Variants in XRCC6 observed in about 807,000 individuals in gnomAD.
XRCC6 encodes the protein X-ray repair cross complementing 6, also known as DNA repair protein Ku70.
XRCC6 carries 5 observed loss-of-function variants against 65.7 expected under a neutral mutation model. The observed-to-expected ratio is 0.08, with a 90% CI of 0.04 to 0.16. The LOEUF is 0.16. Ranked by LOEUF, XRCC6 falls within the 10% of genes least tolerant of loss-of-function variation. The pLI is 1.00. For synonymous variants in XRCC6, 270 were observed against 270.6 expected (o/e 1.00, Z 0.02); for missense variants, 447 against 738.1 (o/e 0.61, Z 4.57).
intron 3 of XRCC6, among the ~76,000 whole-genome samples, chr22:41,631,288 G>A (rs1310136971): frequency 6.6e-6 from 1 of 151,470 alleles, no homozygotes; most frequent in East Asian, 2.0e-4. Context: ...CCTCCCTCCC[G>A]GACGGGTCGG....
intron 12 of XRCC6, 50 bp from the exon 13 acceptor site, chr22:41,663,572 C>G: frequency 6.4e-7 from 1 of 1,563,660 alleles, no homozygotes; most frequent in Non-Finnish European, 8.7e-7. Context: ...AGCTGGGATG[C>G]CACTTGTATG....
intron 9 of XRCC6, 116 bp downstream of exon 9, chr22:41,653,806 G>T (rs2068022146): frequency 2.0e-5 from 26 of 1,310,766 alleles, no homozygotes; most frequent in Non-Finnish European, 2.6e-5. Context: ...GCTTAAAAAT[G>T]TCTATTTTTA....
intron 9 of XRCC6, among the ~76,000 whole-genome samples, chr22:41,656,125 G>T (rs543796745): frequency 2.0e-4 from 30 of 149,734 alleles, no homozygotes; most frequent in Non-Finnish European, 3.8e-4. Flanking sequence ...CCAGCTACTT[G>T]ATAGGCTACT....
chr22:41,650,909 T>C lies in XRCC6; in HGVS notation c.1129+18T>C, dbSNP rs750011301. ...GGTGATTGGTAAGTAGCGTGGACCATGGATGAGTGACTCTAACACACAGTG... is the reference window on the plus strand; with the variant it reads ...GGTGATTGGTAAGTAGCGTGGACCACGGATGAGTGACTCTAACACACAGTG... On this transcript the variant is annotated intron_variant, in intron 8 of 12. Transcript: ENST00000360079. 5.9e-5 allele frequency: 96 copies of C among 1,613,658 alleles called. No individual in the cohort carries two copies. The highest frequency in any genetic ancestry group is 8.0e-5 in the Non-Finnish European group (94 of 1,179,764).
chr22:41,640,950 G>T (rs2067868987), intron 6 of XRCC6, among the ~76,000 whole-genome samples: 1 of 152,050 alleles, frequency 6.6e-6, no homozygotes, highest in Non-Finnish European at 1.5e-5. Context: ...AGCAAAAAAT[G>T]GTACCTCCTT....
At chr22:41,640,972 G>C (rs1174052152) in intron 6 of XRCC6, among the ~76,000 whole-genome samples, 3 of 152,192 alleles carry the variant, frequency 2.0e-5, no homozygotes, top group African/African-American at 7.2e-5. Flanking sequence ...GGTAGGTGCA[G>C]TGGCTCACGT....
At chr22:41,630,350 A>G (rs1382022782) in intron 3 of XRCC6, among the ~76,000 whole-genome samples, 4 of 151,694 alleles carry the variant, frequency 2.6e-5, no homozygotes, top group South Asian at 2.1e-4. Context: ...GGCTCAAGCA[A>G]TCCACCCACC....
chr22:41,637,462 C>T, intron 5 of XRCC6, 146 bp from the exon 6 acceptor site: 3 of 710,226 alleles, frequency 4.2e-6, no homozygotes, highest in Non-Finnish European at 6.8e-6. Context: ...AGTTGGTTTC[C>T]TTAGTCACTT....
intron 6 of XRCC6, among the ~76,000 whole-genome samples, chr22:41,641,502 GTTA>G (rs754470196): frequency 4.5e-4 from 69 of 152,162 alleles, no homozygotes; most frequent in Admixed American, 9.2e-4. Context: ...AAAATGTACT[GTTA>G]TTATTGACTA....
At chr22:41,640,610 T>C (rs2067865570) in intron 6 of XRCC6, among the ~76,000 whole-genome samples, 1 of 152,210 alleles carries the variant, frequency 6.6e-6, no homozygotes. Context: ...TTTAAGAGTT[T>C]ACTGACAATT....
intron 6 of XRCC6, among the ~76,000 whole-genome samples, chr22:41,646,094 G>A (rs111781355): frequency 0.013 from 1,916 of 152,004 alleles, 35 homozygotes; most frequent in African/African-American, 0.043. Context: ...ACGAGGTCAG[G>A]AGTTCAAGAC....
chr22:41,626,176 T>G (rs1038620848), intron 2 of XRCC6, among the ~76,000 whole-genome samples: 7 of 150,798 alleles, frequency 4.6e-5, no homozygotes, highest in Non-Finnish European at 1.0e-4. Context: ...GGGTTCTCGC[T>G]CTGTCACGCA....
In XRCC6 at chr22:41,628,012, T is replaced by C; in HGVS notation, c.83-106T>C. ...GGAGATTTTATGGTTGTTCACCTTATAATAATTTATTAGGTTATACTTTCC... is the reference window on the plus strand; with the variant it reads ...GGAGATTTTATGGTTGTTCACCTTACAATAATTTATTAGGTTATACTTTCC... On this transcript the variant is annotated intron_variant, in intron 2 of 12. Coordinates refer to ENST00000360079, the MANE Select transcript of XRCC6 (RefSeq NM_001469.5). 8.7e-6 allele frequency: 6 copies of C among 687,600 alleles called. No homozygotes were observed. The South Asian group carries it at 1.3e-4, about 15-fold the overall frequency. 42.6% of individuals were successfully genotyped at this position (687,600 alleles called of 1,614,324 possible).
chr22:41,660,441 A>G (rs1601559006), intron 11 of XRCC6, among the ~76,000 whole-genome samples: 1 of 152,042 alleles, frequency 6.6e-6, no homozygotes, highest in Middle Eastern at 3.4e-3. Context: ...GTCACTTCTC[A>G]TGTTTATGGG....
At chr22:41,623,678 C>T (rs1488808662) in intron 2 of XRCC6, among the ~76,000 whole-genome samples, 2 of 151,184 alleles carry the variant, frequency 1.3e-5, no homozygotes, top group East Asian at 1.9e-4. Context: ...TGAGCCACTG[C>T]GCCTGGCCTA....
At chr22:41,660,383 T>G (rs1380316164) in intron 11 of XRCC6, among the ~76,000 whole-genome samples, 1 of 152,172 alleles carries the variant, frequency 6.6e-6, no homozygotes. Context: ...GCTCTGTGAT[T>G]TCAGTTAAAT....
At chr22:41,653,803 A>G in intron 9 of XRCC6, 113 bp downstream of exon 9, 1 of 1,337,154 alleles carries the variant, frequency 7.5e-7, no homozygotes, top group East Asian at 2.5e-5. Flanking sequence ...GGGGCTTAAA[A>G]ATGTCTATTT....
At chr22:41,656,009 G>T (rs969581428) in intron 9 of XRCC6, among the ~76,000 whole-genome samples, 1 of 151,466 alleles carries the variant, frequency 6.6e-6, no homozygotes, top group Non-Finnish European at 1.5e-5. Context: ...CAGGTGGATC[G>T]CCTGAGCCCA....
intron 10 of XRCC6, 92 bp downstream of exon 10, chr22:41,657,124 CTT>C (rs2068052339): frequency 1.4e-6 from 2 of 1,423,252 alleles, no homozygotes; most frequent in Non-Finnish European, 1.9e-6. Flanking sequence ...TGGCACTACT[CTT>C]TTCAGCAAAC....
Sources: allele counts gnomAD v4.1 joint callset (sites outside exome capture counted in the v4.1 genomes callset), GRCh38; gene constraint gnomAD v4.1.1; transcripts MANE v1.5; gene names NCBI Gene and HGNC (gene_info 2026-07-23, HGNC 2026-07-21).